VDAC1: variants seen among roughly 807,000 people sequenced by gnomAD.
VDAC1 encodes non-selective voltage-gated ion channel VDAC1.
VDAC1 carries 10 observed loss-of-function variants against 34.7 expected under a neutral mutation model. That is an observed-to-expected ratio of 0.29 (90% CI 0.18 to 0.49). VDAC1 has a LOEUF of 0.49. Ranked by LOEUF, VDAC1 falls within the 20% of genes least tolerant of loss-of-function variation. VDAC1 has a pLI of 0.99. For missense variants in VDAC1, 230 were observed against 347.9 expected (o/e 0.66, Z 2.69); for synonymous variants, 130 against 136.0 (o/e 0.96, Z 0.30).
At chr5:134,085,132 G>A in the VDAC1 span, among the ~76,000 whole-genome samples, 2 of 151,068 alleles carry the variant, frequency 1.3e-5, no homozygotes, top group African/African-American at 4.9e-5. Context: ...GCAGTGGCGC[G>A]ATCTCAGCTC....
At chr5:133,989,226 C>T (rs1383656467) in intron 5 of VDAC1, 2 of 151,828 alleles carry the variant, frequency 1.3e-5, no homozygotes, top group Admixed American at 1.3e-4. Context: ...CTTGGTAGAT[C>T]CTCCCTCTAA....
Position 133,993,025 on chromosome 5 carries a change from T to C in VDAC1, c.-6-7A>G. 6.2e-7 allele frequency: 1 copy of C among 1,608,142 alleles called. No individual in the cohort carries two copies. The highest frequency in any genetic ancestry group is 8.5e-7 in the Non-Finnish European group (1 of 1,177,340). On this transcript the variant is annotated splice_region_variant and splice_polypyrimidine_tract_variant and intron_variant, in intron 1 of 8. Transcript: ENST00000265333. Reference sequence around the variant, plus strand: ...GTGGCACAGCCATCTTCTGCTATGATAAAAGAATCACCAGAATAAATGCAT... The same window carrying C: ...GTGGCACAGCCATCTTCTGCTATGACAAAAGAATCACCAGAATAAATGCAT...
At chr5:134,055,902 T>A in the VDAC1 span, among the ~76,000 whole-genome samples, 2 of 151,764 alleles carry the variant, frequency 1.3e-5, no homozygotes, top group African/African-American at 4.8e-5. Context: ...CACACATGCA[T>A]TCACACACAG....
At chr5:134,023,156 T>C in the VDAC1 span, among the ~76,000 whole-genome samples, 1 of 152,230 alleles carries the variant, frequency 6.6e-6, no homozygotes, top group South Asian at 2.1e-4. Flanking sequence ...TAAAAAAGAA[T>C]GAGTTCATGT....
At chr5:134,080,620 G>T in the VDAC1 span, among the ~76,000 whole-genome samples, 1 of 152,122 alleles carries the variant, frequency 6.6e-6, no homozygotes, top group African/African-American at 2.4e-5. Context: ...AAGTGTTGGG[G>T]CACCAACAAC....
the VDAC1 span, among the ~76,000 whole-genome samples, chr5:134,106,730 CCAAAGAGGGTAAGTGA>C: frequency 6.6e-6 from 1 of 152,060 alleles, no homozygotes; most frequent in Admixed American, 6.5e-5. Context: ...ACAGATGATA[CCAAAGAGGGTAAGTGA>C]CAAAGAGGGT....
chr5:134,063,933 A>G, the VDAC1 span, among the ~76,000 whole-genome samples: 3 of 151,864 alleles, frequency 2.0e-5, no homozygotes, highest in Admixed American at 1.3e-4. Context: ...CCCAGACTCA[A>G]GCGATTCCCC....
At chr5:134,031,598 A>T in the VDAC1 span, among the ~76,000 whole-genome samples, 2 of 152,132 alleles carry the variant, frequency 1.3e-5, no homozygotes, top group African/African-American at 4.8e-5. Context: ...AGGCCGAGGC[A>T]GGTGGATTGT....
chr5:134,020,936 T>C, the VDAC1 span, among the ~76,000 whole-genome samples: 2 of 151,430 alleles, frequency 1.3e-5, no homozygotes, highest in Non-Finnish European at 2.9e-5. Context: ...GGTGGGAGGA[T>C]TGCTTGAGCC....
At chr5:134,049,576 T>C in the VDAC1 span, among the ~76,000 whole-genome samples, 5 of 152,358 alleles carry the variant, frequency 3.3e-5, no homozygotes, top group East Asian at 5.8e-4. Flanking sequence ...TTCTAAAGTT[T>C]ATTTTTTTGT....
At chr5:134,093,121 T>G in the VDAC1 span, among the ~76,000 whole-genome samples, 1 of 152,246 alleles carries the variant, frequency 6.6e-6, no homozygotes, top group East Asian at 1.9e-4. Flanking sequence ...CAAGCCTGCA[T>G]GTACTTGTGA....
chr5:133,993,732 G>T (rs779223070), intron 1 of VDAC1, among the ~76,000 whole-genome samples: 1 of 152,092 alleles, frequency 6.6e-6, no homozygotes, highest in Non-Finnish European at 1.5e-5. Flanking sequence ...AACCATCAAA[G>T]GACTACTTGG....
At chr5:134,055,369 A>C in the VDAC1 span, among the ~76,000 whole-genome samples, 1 of 152,112 alleles carries the variant, frequency 6.6e-6, no homozygotes, top group Non-Finnish European at 1.5e-5. Context: ...ATACATGTAC[A>C]TGCATTCTGG....
At chr5:134,037,447 G>A in the VDAC1 span, among the ~76,000 whole-genome samples, 5 of 152,322 alleles carry the variant, frequency 3.3e-5, no homozygotes, top group East Asian at 7.7e-4. Flanking sequence ...CACCCCTGAT[G>A]ATTAATGGGT....
At chr5:134,022,591 A>G in the VDAC1 span, among the ~76,000 whole-genome samples, 1 of 152,182 alleles carries the variant, frequency 6.6e-6, no homozygotes, top group Non-Finnish European at 1.5e-5. Context: ...CCTCCCCGCA[A>G]TGGAAAATTC....
the VDAC1 span, among the ~76,000 whole-genome samples, chr5:134,010,607 A>T: frequency 1.3e-5 from 2 of 152,092 alleles, no homozygotes; most frequent in African/African-American, 4.8e-5. Context: ...TCAAAACAAC[A>T]ACAACAACAA....
intron 2 of VDAC1, among the ~76,000 whole-genome samples, 160 bp downstream of exon 2, chr5:133,992,786 A>G (rs1340604937): frequency 6.6e-6 from 1 of 152,256 alleles, no homozygotes; most frequent in Non-Finnish European, 1.5e-5. Context: ...GCACAACCAA[A>G]GTTGCTACAA....
the VDAC1 span, among the ~76,000 whole-genome samples, chr5:134,055,384 C>T: frequency 6.6e-6 from 1 of 152,062 alleles, no homozygotes; most frequent in African/African-American, 2.4e-5. Flanking sequence ...TTCTGGTCCT[C>T]GTGACATGTG....
At chr5:134,042,254 G>A in the VDAC1 span, among the ~76,000 whole-genome samples, 1 of 152,134 alleles carries the variant, frequency 6.6e-6, no homozygotes, top group African/African-American at 2.4e-5. Context: ...GTGGGCTTGG[G>A]GGGGACCAGG....
Sources: gnomAD v4.1 joint callset for allele counts (sites outside exome capture counted in the v4.1 genomes callset) on GRCh38, gnomAD v4.1.1 for gene constraint, MANE v1.5 for transcripts, NCBI Gene and HGNC (gene_info 2026-07-23, HGNC 2026-07-21) for gene names.